TMEM272: variants seen among roughly 807,000 people sequenced by gnomAD.
TMEM272 encodes transmembrane protein 272.
A neutral mutation model predicts 3.7 loss-of-function variants in TMEM272; 8 were observed. The observed-to-expected ratio is 2.17, with a 90% CI of 1.27 to 3.91. The LOEUF (loss-of-function observed/expected upper bound fraction) is 3.91. Among genes scored for constraint, TMEM272 ranks in the 30% most tolerant of loss-of-function variants. The pLI, the probability that TMEM272 is intolerant of heterozygous loss-of-function variation, is 0.00. For synonymous variants in TMEM272, 63 were observed against 39.8 expected (o/e 1.58, Z -2.20); for missense variants, 166 against 91.5 (o/e 1.81, Z -3.32).
At chr13:51,922,091 C>A in the TMEM272 span, among the ~76,000 whole-genome samples, 6 of 152,212 alleles carry the variant, frequency 3.9e-5, no homozygotes, top group African/African-American at 1.4e-4. Context: ...GCCTCTTGAG[C>A]AGGGAGTGTC....
chr13:51,841,361 G>A (rs1593600487), intron 1 of TMEM272, among the ~76,000 whole-genome samples: 3 of 152,292 alleles, frequency 2.0e-5, no homozygotes, highest in South Asian at 4.1e-4. Context: ...TGGTGGAGTC[G>A]CCACTGATTT....
At chr13:51,848,464 A>C (rs573996473), upstream of TMEM272, among the ~76,000 whole-genome samples, 47 of 152,268 alleles carry the variant, frequency 3.1e-4, no homozygotes, top group East Asian at 5.0e-3. Context: ...TAAATTTTTA[A>C]ATGCTTGTCT....
At chr13:51,865,652 C>T in the TMEM272 span, 4 of 1,613,912 alleles carry the variant, frequency 2.5e-6, no homozygotes, top group African/African-American at 5.3e-5. Context: ...AGAGGAGAGA[C>T]CTTTCTGGGA....
chr13:51,903,506 T>C, the TMEM272 span, among the ~76,000 whole-genome samples: 7 of 152,098 alleles, frequency 4.6e-5, no homozygotes, highest in Non-Finnish European at 8.8e-5. Context: ...TTCTGGCTGC[T>C]CTCTCCACTG....
the TMEM272 span, among the ~76,000 whole-genome samples, chr13:51,906,416 T>C: frequency 6.6e-6 from 1 of 152,146 alleles, no homozygotes; most frequent in Non-Finnish European, 1.5e-5. Flanking sequence ...GCTTCAGTAT[T>C]CTCATATGAA....
the TMEM272 span, among the ~76,000 whole-genome samples, chr13:51,879,874 C>A: frequency 6.6e-6 from 1 of 152,138 alleles, no homozygotes; most frequent in Non-Finnish European, 1.5e-5. Context: ...TTTAGTCCAA[C>A]AAGAGGGTCC....
chr13:51,874,352 T>C, the TMEM272 span, among the ~76,000 whole-genome samples: 1 of 152,326 alleles, frequency 6.6e-6, no homozygotes, highest in Non-Finnish European at 1.5e-5. Flanking sequence ...TTCTCTTTTT[T>C]TAACTAAGAA....
chr13:51,918,933 C>T, the TMEM272 span, among the ~76,000 whole-genome samples: 3 of 150,984 alleles, frequency 2.0e-5, no homozygotes, highest in South Asian at 4.2e-4. Context: ...CAGGCATGAG[C>T]CACCATGACC....
chr13:51,888,199 C>T, the TMEM272 span, among the ~76,000 whole-genome samples: 1 of 150,264 alleles, frequency 6.7e-6, no homozygotes, highest in Non-Finnish European at 1.5e-5. Flanking sequence ...GCACCCACCA[C>T]CACACCTACC....
the TMEM272 span, among the ~76,000 whole-genome samples, chr13:51,889,673 C>T: frequency 6.6e-6 from 1 of 151,848 alleles, no homozygotes; most frequent in African/African-American, 2.4e-5. Context: ...TGGAGTTTTG[C>T]TCTTGTTGCC....
chr13:51,910,689 G>C, the TMEM272 span: 2 of 424,186 alleles, frequency 4.7e-6, no homozygotes, highest in Non-Finnish European at 9.1e-6. Context: ...AAGCGGCAGA[G>C]AATACACAGC....
At chr13:51,864,120 TTTC>T in the TMEM272 span, among the ~76,000 whole-genome samples, 1 of 151,008 alleles carries the variant, frequency 6.6e-6, no homozygotes, top group Non-Finnish European at 1.5e-5. Context: ...TCCCTCTCTT[TTTC>T]TTTTCTTTTT....
chr13:51,903,942 C>CGTGTGTGTGT, the TMEM272 span, among the ~76,000 whole-genome samples: 6,005 of 136,580 alleles, frequency 0.044, 325 homozygotes, highest in African/African-American at 0.12. Flanking sequence ...CAGTCTTCCA[C>CGTGTGTGTGT]GTGTGTGTGT....
intron 4 of TMEM272, among the ~76,000 whole-genome samples, chr13:51,818,026 C>A (rs2139545521): frequency 6.6e-6 from 1 of 152,304 alleles, no homozygotes; most frequent in South Asian, 2.1e-4. Flanking sequence ...GTCTTCTCTA[C>A]CTAGCAACTT....
the TMEM272 span, among the ~76,000 whole-genome samples, chr13:51,885,066 G>A: frequency 3.9e-5 from 6 of 152,240 alleles, no homozygotes; most frequent in Admixed American, 6.5e-5. Flanking sequence ...TAATTCTATC[G>A]TCTGGCCACT....
chr13:51,862,263 T>C, the TMEM272 span: 1 of 152,232 alleles, frequency 6.6e-6, no homozygotes, highest in East Asian at 1.9e-4. Context: ...TGTATAGTAT[T>C]TGTTCTAAGC....
the TMEM272 span, among the ~76,000 whole-genome samples, chr13:51,930,127 TCC>T: frequency 1.7e-3 from 262 of 149,800 alleles, no homozygotes; most frequent in African/African-American, 5.5e-3. Flanking sequence ...GTATTTGCCT[TCC>T]CCCCCCCCAC....
chr13:51,818,188 C>T (rs1337733606), intron 4 of TMEM272, among the ~76,000 whole-genome samples: 2 of 152,140 alleles, frequency 1.3e-5, no homozygotes, highest in African/African-American at 2.4e-5. Flanking sequence ...ATGTGGCCGA[C>T]TGGCAGAGGC....
chr13:51,823,402 T>TA (rs1433922212), intron 3 of TMEM272, among the ~76,000 whole-genome samples: 1 of 152,256 alleles, frequency 6.6e-6, no homozygotes, highest in Admixed American at 6.5e-5. Context: ...TAAAAACTGA[T>TA]ACATGATTCG....
Sources: allele counts gnomAD v4.1 joint callset (sites outside exome capture counted in the v4.1 genomes callset), GRCh38; gene constraint gnomAD v4.1.1; transcripts MANE v1.5; gene names NCBI Gene and HGNC (gene_info 2026-07-23, HGNC 2026-07-21).